CLPX: variants seen among roughly 807,000 people sequenced by gnomAD.
CLPX encodes the protein caseinolytic mitochondrial matrix peptidase chaperone subunit X.
Under a neutral mutation model 76.4 loss-of-function variants are expected in CLPX, and 34 were observed. The observed-to-expected ratio is 0.45, with a 90% CI of 0.34 to 0.59. The LOEUF (loss-of-function observed/expected upper bound fraction) is 0.59, where lower values mean the gene tolerates loss of function less well. CLPX is among the 20% of genes least tolerant of loss of function. CLPX has a pLI of 0.01. For synonymous variants in CLPX, 248 were observed against 270.9 expected, an observed-to-expected ratio of 0.92 and a Z score of 0.83; for missense variants, 613 against 757.0, an observed-to-expected ratio of 0.81 and a Z score of 2.23.
intron 3 of CLPX, among the ~76,000 whole-genome samples, chr15:65,177,720 T>C (rs985394915): frequency 2.6e-5 from 4 of 152,228 alleles, no homozygotes; most frequent in Admixed American, 1.3e-4. Context: ...ATTTGATTCA[T>C]TAATGAAAAT....
chr15:65,168,255 G>A (rs1306395003), intron 3 of CLPX, among the ~76,000 whole-genome samples: 5 of 147,926 alleles, frequency 3.4e-5, no homozygotes, highest in Admixed American at 6.7e-5. Flanking sequence ...GTGGTGGTGG[G>A]CGCCTGTAGT....
rs147263336 is a variant in CLPX, at chr15:65,176,201, C to G, written c.358+2733G>C. ...AACATACAAATTCTAGGACTCCATC[C>G]CACATCTACAGAATCTTAATCTCTA... On this transcript the variant is annotated intron_variant, in intron 3 of 13. Coordinates refer to ENST00000300107, the MANE Select transcript of CLPX (RefSeq NM_006660.5). 6.6e-3 allele frequency among the ~76,000 whole-genome samples: 1,012 copies of G among 152,274 alleles called. 7 individuals carry two copies. Among genetic ancestry groups the G allele is most frequent in the African/African-American group, 0.023 (971 of 41,550 alleles).
chr15:65,155,627 T>C (rs932358147), intron 10 of CLPX, 65 bp downstream of exon 10: 1 of 1,337,124 alleles, frequency 7.5e-7, no homozygotes, highest in African/African-American at 1.5e-5. Context: ...GATATGAGAA[T>C]GGAAACTGAG....
intron 3 of CLPX, 69 bp downstream of exon 3, chr15:65,178,865 T>C: frequency 1.2e-6 from 1 of 862,418 alleles, no homozygotes; most frequent in Non-Finnish European, 1.8e-6. Context: ...ATAATTTACA[T>C]ATTTTTATAC....
intron 11 of CLPX, 63 bp from the exon 12 acceptor site, chr15:65,153,702 C>A: frequency 1.0e-6 from 1 of 969,046 alleles, no homozygotes; most frequent in Non-Finnish European, 1.5e-6. Context: ...AGAAAATGTA[C>A]CATTAAGTGA....
intron 1 of CLPX, among the ~76,000 whole-genome samples, chr15:65,184,186 G>C (rs905177258): frequency 6.6e-6 from 1 of 152,302 alleles, no homozygotes; most frequent in Middle Eastern, 3.4e-3. Flanking sequence ...AAAATAAAAC[G>C]AATTTGTCTA....
Position 65,149,416 on chromosome 15 carries a change from A to T in CLPX, c.*1407T>A, listed in dbSNP as rs557297537. On this transcript the variant is annotated 3_prime_UTR_variant, in exon 14 of 14. Transcript: ENST00000300107. ...CTTGAACCTGGGACTCAGAGGTTGC[A>T]GTGAGCCAAGATTGTGGCACTGTAC... The T allele has an allele frequency of 3.9e-6, 1 of 256,962 alleles. No individual in the cohort carries two copies. The highest frequency in any genetic ancestry group is 3.7e-5 in the South Asian group (1 of 27,136). The allele number at this position is 256,962 out of a possible 1,614,324, so 15.9% of individuals were successfully genotyped here.
intron 3 of CLPX, among the ~76,000 whole-genome samples, chr15:65,167,408 T>G (rs1231316927): frequency 6.6e-6 from 1 of 152,122 alleles, no homozygotes; most frequent in Non-Finnish European, 1.5e-5. Context: ...GAATATGGAG[T>G]AATCATCTAT....
intron 10 of CLPX, 88 bp from the exon 11 acceptor site, chr15:65,155,169 G>A: frequency 9.0e-7 from 1 of 1,112,902 alleles, no homozygotes; most frequent in Non-Finnish European, 1.3e-6. Flanking sequence ...TATGATCTTT[G>A]TAACAACTCT....
chr15:65,170,969 C>T (rs1185184319), intron 3 of CLPX, among the ~76,000 whole-genome samples: 1 of 151,444 alleles, frequency 6.6e-6, no homozygotes, highest in East Asian at 2.0e-4. Context: ...ACTACAGGTG[C>T]ATGCCACCAC....
At chr15:65,178,130 T>G (rs2088113619) in intron 3 of CLPX, among the ~76,000 whole-genome samples, 1 of 152,198 alleles carries the variant, frequency 6.6e-6, no homozygotes. Flanking sequence ...GAATCATTAA[T>G]AATTATCAGA....
In CLPX at chr15:65,164,058, A is replaced by G. The variant is rs1423944915; in HGVS notation, c.644T>C (p.Val215Ala). ...TGGTGTTAATGATGTCTGCTTCTCAACCTCTGCTTGCTGTCTCAGATTAGC... is the reference window on the plus strand; with the variant it reads ...TGGTGTTAATGATGTCTGCTTCTCAGCCTCTGCTTGCTGTCTCAGATTAGC... ...IPANLRQQAEVEKQTSLTPRE... is the reference protein window; with the variant it reads ...IPANLRQQAEAEKQTSLTPRE... Residue 215 changes from valine to alanine, a missense_variant, in exon 5 of 14, where the codon GTT (valine) becomes GCT (alanine). Val to Ala is a moderately conservative substitution (Grantham distance 64). Coordinates refer to ENST00000300107, the MANE Select transcript of CLPX (RefSeq NM_006660.5). The G allele has an allele frequency of 6.2e-7, 1 of 1,613,360 alleles. No homozygotes were observed. Among genetic ancestry groups the G allele is most frequent in the African/African-American group, 1.3e-5 (1 of 74,890 alleles).
At position 65,179,949 on chromosome 15, in the gene CLPX, G is replaced by A. The variant is rs558469061; in HGVS notation, c.240+95C>T. On this transcript the variant is annotated intron_variant, in intron 2 of 13. Transcript: ENST00000300107. ...TTTTAGCTATCTCATATTTCCTACAGAAAACATATAAGCCAGTAAGAGACA... is the reference window on the plus strand; with the variant it reads ...TTTTAGCTATCTCATATTTCCTACAAAAAACATATAAGCCAGTAAGAGACA... The A allele has an allele frequency of 4.9e-4, 391 of 800,658 alleles. 5 individuals are homozygous for A. The South Asian group carries it at 0.012, about 26-fold the overall frequency. 49.6% of individuals were successfully genotyped at this position (800,658 alleles called of 1,614,324 possible).
At chr15:65,152,382 A>C in intron 13 of CLPX, 48 bp downstream of exon 13, 1 of 747,570 alleles carries the variant, frequency 1.3e-6, no homozygotes, top group Non-Finnish European at 2.1e-6. Context: ...AGCAATGAGG[A>C]GCTCATCTTA....
chr15:65,152,806 A>G (rs1023217151), intron 12 of CLPX, among the ~76,000 whole-genome samples: 4 of 151,774 alleles, frequency 2.6e-5, no homozygotes, highest in African/African-American at 7.3e-5. Flanking sequence ...CATGTTGTCC[A>G]GGCTGGTCTT....
chr15:65,177,356 A>G (rs909933695), intron 3 of CLPX, among the ~76,000 whole-genome samples: 3 of 152,218 alleles, frequency 2.0e-5, no homozygotes, highest in African/African-American at 7.2e-5. Flanking sequence ...GGTGTGAGCC[A>G]CAGCGCCTGG....
intron 3 of CLPX, among the ~76,000 whole-genome samples, chr15:65,171,524 T>C (rs1384581928): frequency 6.6e-6 from 1 of 152,222 alleles, no homozygotes; most frequent in Non-Finnish European, 1.5e-5. Context: ...GTTTCCTATT[T>C]GCTGATCACG....
intron 11 of CLPX, 140 bp downstream of exon 11, chr15:65,154,642 G>A (rs1463380531): frequency 2.4e-5 from 15 of 638,088 alleles, no homozygotes; most frequent in Non-Finnish European, 3.7e-5. Context: ...TGCCTTCCTT[G>A]ATTCCTAGAT....
chr15:65,154,841 A>G lies in CLPX; in HGVS notation c.1552T>C (p.Leu518=). 5.0e-6 allele frequency: 8 copies of G among 1,614,122 alleles called. No homozygotes were observed. The highest frequency in any genetic ancestry group is 6.8e-6 in the Non-Finnish European group (8 of 1,179,976). Residue 518 remains leucine, a synonymous_variant, in exon 11 of 14, where the codon TTA becomes CTA. Transcript: ENST00000300107. ...ATAACAGCATTTCGTGGCTCAGTTA[A>G]TATTTGTACAAGTGTTTTCTCATCT... ...SLDEKTLVQI[L]TEPRNAVIPQ...
Sources: gnomAD v4.1 joint callset for allele counts (sites outside exome capture counted in the v4.1 genomes callset) on GRCh38, gnomAD v4.1.1 for gene constraint, MANE v1.5 for transcripts, NCBI Gene and HGNC (gene_info 2026-07-23, HGNC 2026-07-21) for gene names.